Variants in SLCO5A1 observed in about 807,000 individuals in gnomAD.
SLCO5A1 encodes organic anion transporter polypeptide-related protein 4.
Under a neutral mutation model 65.1 loss-of-function variants are expected in SLCO5A1, and 39 were observed. The ratio of observed to expected loss-of-function variants is 0.60; its 90% confidence interval spans 0.46 to 0.78. The LOEUF (loss-of-function observed/expected upper bound fraction) is 0.78. Among genes scored for constraint, SLCO5A1 ranks in the 30% least tolerant of loss-of-function variants. SLCO5A1 has a pLI of 0.00. For synonymous variants in SLCO5A1, 438 were observed against 415.7 expected, an observed-to-expected ratio of 1.05 and a Z score of -0.65; for missense variants, 1,029 against 1,069.4, an observed-to-expected ratio of 0.96 and a Z score of 0.53.
chr8:69,796,624 TTA>T (rs144335187), intron 2 of SLCO5A1, among the ~76,000 whole-genome samples: 19 of 148,854 alleles, frequency 1.3e-4, no homozygotes, highest in East Asian at 2.0e-4. Context: ...CTCAAACATT[TTA>T]TATATATATA....
intron 4 of SLCO5A1, among the ~76,000 whole-genome samples, chr8:69,743,038 G>A (rs2130847889): frequency 6.6e-6 from 1 of 152,160 alleles, no homozygotes; most frequent in East Asian, 1.9e-4. Flanking sequence ...CTGACCTTGT[G>A]ATCTGCCCGC....
intron 2 of SLCO5A1, among the ~76,000 whole-genome samples, chr8:69,785,376 T>TA (rs1325147251): frequency 6.6e-6 from 1 of 152,232 alleles, no homozygotes; most frequent in African/African-American, 2.4e-5. Flanking sequence ...TATTGTAATT[T>TA]AAAATCATAT....
At chr8:69,789,460 T>C (rs1443919278) in intron 2 of SLCO5A1, among the ~76,000 whole-genome samples, 2 of 152,198 alleles carry the variant, frequency 1.3e-5, no homozygotes, top group Non-Finnish European at 2.9e-5. Flanking sequence ...GGGTCTTCTA[T>C]GTGGAATCAT....
chr8:69,831,890 C>G lies in SLCO5A1; in HGVS notation c.784G>C (p.Val262Leu). 1 of 1,610,824 alleles carries G rather than the reference C, an allele frequency of 6.2e-7. No individual in the cohort carries two copies. Among genetic ancestry groups the G allele is most frequent in the Non-Finnish European group, 8.5e-7 (1 of 1,179,148 alleles). ...PKDSGGNNHW[V>L]YVALFICAQI... Reference sequence around the variant, plus strand: ...GCGCAAATGAATAAAGCCACGTAGACCCAGTGATTATTTCCTCCCGAGTCC... The same window carrying G: ...GCGCAAATGAATAAAGCCACGTAGAGCCAGTGATTATTTCCTCCCGAGTCC... The change falls in exon 2 of 10, where the codon GTC becomes CTC. Residue 262 changes from valine to leucine, a missense_variant. By Grantham distance (32) the Val-to-Leu change is conservative (BLOSUM62 1). Coordinates refer to ENST00000260126, the MANE Select transcript of SLCO5A1 (RefSeq NM_030958.3).
intron 5 of SLCO5A1, among the ~76,000 whole-genome samples, 190 bp from the exon 6 acceptor site, chr8:69,705,419 C>A (rs535335564): frequency 6.6e-6 from 1 of 152,236 alleles, no homozygotes; most frequent in East Asian, 1.9e-4. Flanking sequence ...GGACTCACAT[C>A]CAGATTTCAA....
chr8:69,687,204 A>G (rs1451026691), intron 6 of SLCO5A1, among the ~76,000 whole-genome samples: 1 of 152,178 alleles, frequency 6.6e-6, no homozygotes, highest in African/African-American at 2.4e-5. Context: ...CTAGATGGAG[A>G]TCTAGTTTCA....
intron 5 of SLCO5A1, among the ~76,000 whole-genome samples, chr8:69,725,079 A>C (rs377568293): frequency 1.3e-5 from 2 of 152,318 alleles, no homozygotes; most frequent in East Asian, 3.9e-4. Flanking sequence ...AGTAAATTTT[A>C]ATTTTTAAAA....
At chr8:69,763,180 G>A (rs1178185073) in intron 2 of SLCO5A1, among the ~76,000 whole-genome samples, 5 of 151,810 alleles carry the variant, frequency 3.3e-5, no homozygotes, top group Admixed American at 2.0e-4. Context: ...GTGGTGGCAC[G>A]TGCCTGTAAT....
intron 2 of SLCO5A1, among the ~76,000 whole-genome samples, chr8:69,768,916 C>T (rs941027578): frequency 6.6e-6 from 1 of 152,176 alleles, no homozygotes; most frequent in African/African-American, 2.4e-5. Flanking sequence ...CTGTCCTCAC[C>T]TTGACCACAG....
At chr8:69,819,999 G>C (rs1316932184) in intron 2 of SLCO5A1, among the ~76,000 whole-genome samples, 5 of 152,156 alleles carry the variant, frequency 3.3e-5, no homozygotes, top group Non-Finnish European at 7.3e-5. Flanking sequence ...TGTATTTTCT[G>C]CGTACTAGGG....
At chr8:69,704,775 C>T (rs570312693) in intron 6 of SLCO5A1, 6 of 450,630 alleles carry the variant, frequency 1.3e-5, no homozygotes, top group African/African-American at 9.8e-5. Flanking sequence ...ATCCAATAAG[C>T]ATTTCATCCT....
intron 3 of SLCO5A1, among the ~76,000 whole-genome samples, chr8:69,757,509 T>C (rs905982469): frequency 6.6e-6 from 1 of 151,468 alleles, no homozygotes; most frequent in African/African-American, 2.4e-5. Context: ...TGAAACCCCA[T>C]CTCAACTAAA....
intron 2 of SLCO5A1, among the ~76,000 whole-genome samples, chr8:69,778,237 G>A (rs1463736799): frequency 6.6e-6 from 1 of 151,646 alleles, no homozygotes; most frequent in African/African-American, 2.4e-5. Flanking sequence ...GGGTGTGTGT[G>A]TGTGTGTGTG....
At chr8:69,674,243 A>G (rs1389230570) in intron 9 of SLCO5A1, among the ~76,000 whole-genome samples, 1 of 152,186 alleles carries the variant, frequency 6.6e-6, no homozygotes, top group African/African-American at 2.4e-5. Flanking sequence ...GGCAGGGGCC[A>G]CGCCTTTTAT....
intron 5 of SLCO5A1, among the ~76,000 whole-genome samples, chr8:69,710,479 G>A (rs1014129662): frequency 7.9e-5 from 12 of 151,970 alleles, no homozygotes; most frequent in African/African-American, 2.9e-4. Context: ...CACCCAATAG[G>A]TCCCTGGAAT....
intron 4 of SLCO5A1, among the ~76,000 whole-genome samples, chr8:69,740,513 CTG>C (rs770802322): frequency 6.6e-6 from 1 of 152,088 alleles, no homozygotes; most frequent in African/African-American, 2.4e-5. Flanking sequence ...GGATGATAGA[CTG>C]TGTGTGTGTT....
intron 2 of SLCO5A1, among the ~76,000 whole-genome samples, chr8:69,804,546 C>A (rs763164290): frequency 1.3e-5 from 2 of 152,134 alleles, no homozygotes; most frequent in Non-Finnish European, 2.9e-5. Flanking sequence ...AAACTCCTGA[C>A]CTCAGGTGAT....
At chr8:69,713,549 G>T (rs183962584) in intron 5 of SLCO5A1, 30 of 152,216 alleles carry the variant, frequency 2.0e-4, no homozygotes, top group African/African-American at 6.7e-4. Context: ...TACATGCCAG[G>T]TACTGTGATA....
intron 2 of SLCO5A1, among the ~76,000 whole-genome samples, chr8:69,771,977 T>C (rs572528030): frequency 1.3e-5 from 2 of 152,300 alleles, no homozygotes; most frequent in African/African-American, 4.8e-5. Flanking sequence ...ACCTTCCCAA[T>C]GGCTTCTCTA....
Sources: gnomAD v4.1 joint callset for allele counts (sites outside exome capture counted in the v4.1 genomes callset) on GRCh38, gnomAD v4.1.1 for gene constraint, MANE v1.5 for transcripts, NCBI Gene and HGNC (gene_info 2026-07-23, HGNC 2026-07-21) for gene names.